C12orf50: variants seen among roughly 807,000 people sequenced by gnomAD.
C12orf50 encodes zinc finger CCCH-type containing 11D, also known as uncharacterized protein C12orf50.
In C12orf50, 35 loss-of-function variants were observed where a neutral mutation model predicts 61.6. The observed-to-expected ratio is 0.57, with a 90% CI of 0.43 to 0.75. The LOEUF is 0.75. Ranked by LOEUF, C12orf50 falls within the 30% of genes least tolerant of loss-of-function variation. The pLI, the probability that C12orf50 is intolerant of heterozygous loss-of-function variation, is 0.00. For synonymous variants in C12orf50, 178 were observed against 161.5 expected, an observed-to-expected ratio of 1.10 and a Z score of -0.77; for missense variants, 475 against 488.5, an observed-to-expected ratio of 0.97 and a Z score of 0.26.
At chr12:88,000,782 C>T (rs1450098057) in intron 3 of C12orf50, among the ~76,000 whole-genome samples, 3 of 151,356 alleles carry the variant, frequency 2.0e-5, no homozygotes, top group Non-Finnish European at 3.0e-5. Context: ...ATATTTTTTC[C>T]TCTTTGATGC....
chr12:88,008,310 G>A (rs2031968240), intron 3 of C12orf50, among the ~76,000 whole-genome samples: 1 of 152,172 alleles, frequency 6.6e-6, no homozygotes, highest in African/African-American at 2.4e-5. Flanking sequence ...GTCAGAACAT[G>A]CAGTATTTGT....
intron 3 of C12orf50, among the ~76,000 whole-genome samples, chr12:88,013,894 G>A (rs2032207110): frequency 6.6e-6 from 1 of 152,200 alleles, no homozygotes; most frequent in African/African-American, 2.4e-5. Flanking sequence ...TTCTAACGTG[G>A]AGCCAGAACT....
chr12:88,006,278 A>G (rs1173958568), intron 3 of C12orf50, among the ~76,000 whole-genome samples: 3 of 152,268 alleles, frequency 2.0e-5, no homozygotes, highest in African/African-American at 7.2e-5. Flanking sequence ...TAGCTGGTTT[A>G]CAGTTTAGTT....
chr12:87,996,677 G>T (rs1363770431), intron 4 of C12orf50, 31 bp from the exon 5 acceptor site: 1 of 1,504,342 alleles, frequency 6.6e-7, no homozygotes, highest in Non-Finnish European at 9.1e-7. Context: ...AAATTAAATT[G>T]TCCCAAAGCC....
chr12:88,003,627 C>A (rs1265004569), intron 3 of C12orf50, among the ~76,000 whole-genome samples: 3 of 151,928 alleles, frequency 2.0e-5, no homozygotes, highest in Non-Finnish European at 4.4e-5. Flanking sequence ...TTCTTTCAGT[C>A]TACAGTGATT....
At chr12:88,021,836 T>G (rs1053265805) in intron 3 of C12orf50, among the ~76,000 whole-genome samples, 1 of 152,086 alleles carries the variant, frequency 6.6e-6, no homozygotes, top group Admixed American at 6.5e-5. Flanking sequence ...GTTCTATAAC[T>G]GTATAAGTAA....
chr12:88,016,425 T>C (rs1336539424), intron 3 of C12orf50, among the ~76,000 whole-genome samples: 2 of 152,192 alleles, frequency 1.3e-5, no homozygotes, highest in East Asian at 3.8e-4. Flanking sequence ...CATTGGTAGA[T>C]AGAAGTTCCT....
In C12orf50 at chr12:87,985,766, A is replaced by T; in HGVS notation, c.1126+84T>A. 5.2e-6 allele frequency: 7 copies of T among 1,338,416 alleles called. No homozygotes were observed. The Admixed American group carries it at 6.8e-5, about 13-fold the overall frequency. 82.9% of individuals were successfully genotyped at this position (1,338,416 alleles called of 1,614,324 possible). ...GGTAAAGAAGAGGGGAGTAAGTAGT[A>T]GTGAAGTTTAGCCAAGCTGTCAAGA... On this transcript the variant is annotated intron_variant, in intron 11 of 12. Coordinates refer to ENST00000298699, the MANE Select transcript of C12orf50 (RefSeq NM_152589.3).
At chr12:88,019,765 A>G (rs2032447301) in intron 3 of C12orf50, among the ~76,000 whole-genome samples, 1 of 152,182 alleles carries the variant, frequency 6.6e-6, no homozygotes, top group Non-Finnish European at 1.5e-5. Flanking sequence ...AACAAAAGAA[A>G]AAAAATGTTA....
intron 9 of C12orf50, among the ~76,000 whole-genome samples, chr12:87,987,251 T>C (rs971709406): frequency 6.6e-6 from 1 of 152,174 alleles, no homozygotes; most frequent in African/African-American, 2.4e-5. Flanking sequence ...TCAAACATCA[T>C]GCCCCTGATC....
intron 3 of C12orf50, among the ~76,000 whole-genome samples, chr12:88,016,190 C>T (rs1163812656): frequency 6.6e-6 from 1 of 152,036 alleles, no homozygotes; most frequent in East Asian, 1.9e-4. Context: ...TTATTTTAAC[C>T]TGAGACAAAA....
At chr12:88,010,470 CT>C (rs2032063987) in intron 3 of C12orf50, among the ~76,000 whole-genome samples, 1 of 125,736 alleles carries the variant, frequency 8.0e-6, no homozygotes, top group African/African-American at 3.9e-5. Context: ...TTATTATAAT[CT>C]TATAATAAGA....
intron 3 of C12orf50, among the ~76,000 whole-genome samples, chr12:88,001,479 G>A (rs1351443928): frequency 3.3e-5 from 5 of 149,844 alleles, no homozygotes; most frequent in South Asian, 2.1e-4. Context: ...TGCAGTTTTC[G>A]TCTGATGTCT....
At chr12:87,992,884 A>G (rs1326394060) in intron 7 of C12orf50, among the ~76,000 whole-genome samples, 1 of 152,210 alleles carries the variant, frequency 6.6e-6, no homozygotes, top group Admixed American at 6.5e-5. Context: ...TGAAATGAAT[A>G]CTAATTCATT....
chr12:88,028,922 G>T (rs932132421), intron 1 of C12orf50: 3 of 279,108 alleles, frequency 1.1e-5, no homozygotes, highest in African/African-American at 4.5e-5. Context: ...TACATGATAA[G>T]CTGTTACTCC....
Position 87,985,831 on chromosome 12 carries a change from C to G in C12orf50, c.1126+19G>C, listed in dbSNP as rs1363330741. The G allele has an allele frequency of 6.2e-7, 1 of 1,611,172 alleles. No individual in the cohort carries two copies. The highest frequency in any genetic ancestry group is 1.7e-5 in the Admixed American group (1 of 59,906). On this transcript the variant is annotated intron_variant, in intron 11 of 12. Coordinates refer to ENST00000298699, the MANE Select transcript of C12orf50 (RefSeq NM_152589.3). ...GCAAACCACAGACAAGAGTAAACCA[C>G]ATCAACAAAGGACCTCACCTGGACT...
intron 3 of C12orf50, among the ~76,000 whole-genome samples, chr12:88,005,920 T>TG (rs1480430763): frequency 2.9e-5 from 4 of 140,306 alleles, no homozygotes; most frequent in Non-Finnish European, 4.6e-5. Context: ...TGGTTTTTTT[T>TG]TTTTTTTTTT....
At chr12:88,014,101 C>A (rs542503319) in intron 3 of C12orf50, among the ~76,000 whole-genome samples, 1 of 152,068 alleles carries the variant, frequency 6.6e-6, no homozygotes, top group Non-Finnish European at 1.5e-5. Context: ...AGGGGAAAGG[C>A]AGTCTTCTAT....
intron 3 of C12orf50, among the ~76,000 whole-genome samples, chr12:88,004,043 T>A (rs2031756627): frequency 6.6e-6 from 1 of 152,116 alleles, no homozygotes; most frequent in Non-Finnish European, 1.5e-5. Context: ...CTACCCTTGA[T>A]CCCTTATAGT....
Sources: allele counts gnomAD v4.1 joint callset (sites outside exome capture counted in the v4.1 genomes callset), GRCh38; gene constraint gnomAD v4.1.1; transcripts MANE v1.5; gene names NCBI Gene and HGNC (gene_info 2026-07-23, HGNC 2026-07-21).